Variants in AFAP1L2 observed in about 807,000 individuals in gnomAD.
AFAP1L2 encodes actin filament-associated protein 1-like 2.
Under a neutral mutation model 99.3 loss-of-function variants are expected in AFAP1L2, and 46 were observed. The ratio of observed to expected loss-of-function variants is 0.46; its 90% CI spans 0.37 to 0.59. The LOEUF (loss-of-function observed/expected upper bound fraction) is 0.59, where lower values mean the gene tolerates loss of function less well. Ranked by LOEUF, AFAP1L2 falls within the 20% of genes least tolerant of loss-of-function variation. AFAP1L2 has a pLI of 0.00. For synonymous variants in AFAP1L2, 397 were observed against 419.1 expected (o/e 0.95, Z 0.64); for missense variants, 959 against 1,034.9 (o/e 0.93, Z 1.01).
chr10:114,314,181 T>C (rs2043746346), intron 6 of AFAP1L2, 131 bp from the exon 7 acceptor site: 6 of 829,668 alleles, frequency 7.2e-6, no homozygotes, highest in Middle Eastern at 7.1e-4. Flanking sequence ...ACTAAGAGGC[T>C]GGACACCCCG....
In AFAP1L2 at chr10:114,302,499, A is replaced by T. The variant is rs1480672484; in HGVS notation, c.1285-15T>A. ...GAAGACTTGGCCTGGAACGAGGCCA[A>T]GAGAGACATAAGCAGGGCCAGGCAG... On this transcript the variant is annotated splice_polypyrimidine_tract_variant and intron_variant, in intron 11 of 18. Coordinates refer to ENST00000304129, the MANE Select transcript of AFAP1L2 (RefSeq NM_001001936.3). The T allele has an allele frequency of 1.9e-6, 3 of 1,613,730 alleles. No homozygotes were observed. The East Asian group carries it at 6.7e-5, about 36-fold the overall frequency.
chr10:114,287,575 G>A, the AFAP1L2 span, among the ~76,000 whole-genome samples: 1 of 152,124 alleles, frequency 6.6e-6, no homozygotes, highest in African/African-American at 2.4e-5. Flanking sequence ...CTCTCCCCAA[G>A]GCGAGAGGCT....
At chr10:114,318,748 G>GAAAAAAGAA (rs2044573535) in intron 5 of AFAP1L2, among the ~76,000 whole-genome samples, 2 of 118,890 alleles carry the variant, frequency 1.7e-5, no homozygotes, top group Non-Finnish European at 1.7e-5. Flanking sequence ...CTAAAAAAAA[G>GAAAAAAGAA]AAAAAAAAAA....
Position 114,304,611 on chromosome 10 carries a change from G to A in AFAP1L2, c.1284+108C>T. ...GGCAAACGAAGTAAAAATAACACGC[G>A]GGGACATTGATTCTCCCTTAGTAGC... is the stretch of plus-strand genomic sequence containing the variant. On this transcript the variant is annotated intron_variant, in intron 11 of 18. Coordinates refer to ENST00000304129, the MANE Select transcript of AFAP1L2 (RefSeq NM_001001936.3). 23 of 1,089,940 alleles carry A rather than the reference G, an allele frequency of 2.1e-5. No homozygotes were observed. In the South Asian group the frequency reaches 3.6e-4, roughly 17 times the overall value. 67.5% of individuals were successfully genotyped at this position (1,089,940 alleles called of 1,614,324 possible). A position where few individuals can be genotyped will look rare whatever the true frequency, so the allele number is the denominator to read the frequency against.
At chr10:114,343,952 C>A (rs533351087) in intron 1 of AFAP1L2, among the ~76,000 whole-genome samples, 1 of 152,244 alleles carries the variant, frequency 6.6e-6, no homozygotes, top group South Asian at 2.1e-4. Flanking sequence ...GAGACAACAC[C>A]AAGGCAGAGA....
At chr10:114,291,071 A>T, downstream of AFAP1L2, 1 of 940,504 alleles carries the variant, frequency 1.1e-6, no homozygotes, top group Non-Finnish European at 1.7e-6. Flanking sequence ...GAGGATAATC[A>T]CATGGGGTCT....
At chr10:114,390,472 CA>C (rs1330037773) in intron 1 of AFAP1L2, among the ~76,000 whole-genome samples, 1 of 152,116 alleles carries the variant, frequency 6.6e-6, no homozygotes, top group Non-Finnish European at 1.5e-5. Context: ...CCTGTAATCC[CA>C]GCACTTTGGG....
intron 4 of AFAP1L2, among the ~76,000 whole-genome samples, chr10:114,324,305 G>A (rs563957855): frequency 6.6e-6 from 1 of 151,924 alleles, no homozygotes; most frequent in South Asian, 2.1e-4. Flanking sequence ...GTGCAATGGT[G>A]CAATCTCGGC....
At chr10:114,404,400 G>C in intron 1 of AFAP1L2, 40 bp downstream of exon 1, 1 of 1,531,878 alleles carries the variant, frequency 6.5e-7, no homozygotes, top group East Asian at 2.4e-5. Flanking sequence ...CTGGGCGAAA[G>C]GGAGTGGGTG....
At chr10:114,313,140 G>A (rs1363736521) in intron 7 of AFAP1L2, among the ~76,000 whole-genome samples, 3 of 151,952 alleles carry the variant, frequency 2.0e-5, no homozygotes, top group Non-Finnish European at 4.4e-5. Flanking sequence ...GGAGGGGAGG[G>A]GCAGCAGGAA....
At chr10:114,373,160 T>C (rs2054345898) in intron 1 of AFAP1L2, among the ~76,000 whole-genome samples, 1 of 152,086 alleles carries the variant, frequency 6.6e-6, no homozygotes, top group Admixed American at 6.6e-5. Flanking sequence ...GGAAGATCGC[T>C]TGAGCCCAGG....
At chr10:114,395,167 C>T (rs1422821029) in intron 1 of AFAP1L2, among the ~76,000 whole-genome samples, 2 of 152,184 alleles carry the variant, frequency 1.3e-5, no homozygotes, top group African/African-American at 2.4e-5. Context: ...GCAGAAGCCA[C>T]AGAGGGCTTC....
chr10:114,320,133 T>C (rs1002837082), intron 5 of AFAP1L2, among the ~76,000 whole-genome samples: 2 of 152,174 alleles, frequency 1.3e-5, no homozygotes, highest in African/African-American at 4.8e-5. Flanking sequence ...CTGGGTTATT[T>C]GTTACAGCTG....
Position 114,295,478 on chromosome 10 carries a change from G to T in AFAP1L2, c.*564C>A, listed in dbSNP as rs1166017642. On this transcript the variant is annotated 3_prime_UTR_variant, in exon 19 of 19. Transcript: ENST00000304129. ...ATTGTTTCTCAAAACTCATGTCATAGATGGTTTTACAGATGATGGTTTTAC... is the reference window on the plus strand; with the variant it reads ...ATTGTTTCTCAAAACTCATGTCATATATGGTTTTACAGATGATGGTTTTAC... The T allele has an allele frequency of 4.1e-6, 4 of 965,174 alleles. No individual in the cohort carries two copies. The African/African-American group carries it at 8.7e-5, about 21-fold the overall frequency. 59.8% of individuals were successfully genotyped at this position (965,174 alleles called of 1,614,324 possible). A position where few individuals can be genotyped will look rare whatever the true frequency, so the allele number is the denominator to read the frequency against.
Position 114,305,280 on chromosome 10 carries a change from T to G in AFAP1L2, c.1073-350A>C, listed in dbSNP as rs187584268. ...ACGTGGATGTGGGAGGGCACGCGGA[T>G]GCAGGAGGGGATGCGGACGCAGGAG... is the stretch of plus-strand genomic sequence containing the variant. On this transcript the variant is annotated intron_variant, in intron 10 of 18. Coordinates refer to ENST00000304129, the MANE Select transcript of AFAP1L2 (RefSeq NM_001001936.3). 1.4e-3 allele frequency: 412 copies of G among 305,050 alleles called. 1 individual carries two copies. The highest frequency in any genetic ancestry group is 9.6e-3 in the African/African-American group (364 of 37,736). The allele number at this position is 305,050 out of a possible 1,614,324, so 18.9% of individuals were successfully genotyped here. A position where few individuals can be genotyped will look rare whatever the true frequency, so the allele number is the denominator to read the frequency against.
downstream of AFAP1L2, among the ~76,000 whole-genome samples, chr10:114,292,813 C>T (rs755340169): frequency 2.6e-5 from 4 of 152,014 alleles, no homozygotes; most frequent in Non-Finnish European, 5.9e-5. Flanking sequence ...TGAAGTGATT[C>T]TCATGCCTCA....
At chr10:114,357,532 A>G (rs567787484) in intron 1 of AFAP1L2, among the ~76,000 whole-genome samples, 30 of 152,304 alleles carry the variant, frequency 2.0e-4, no homozygotes, top group African/African-American at 7.2e-4. Flanking sequence ...TGCATAGCCA[A>G]TATTCCATGT....
chr10:114,349,383 CAAAAAAAA>C (rs113553514), intron 1 of AFAP1L2, among the ~76,000 whole-genome samples: 3 of 86,252 alleles, frequency 3.5e-5, no homozygotes, highest in East Asian at 3.9e-4. Context: ...AACTCGGTCT[CAAAAAAAA>C]AAAAAAAAAA....
intron 3 of AFAP1L2, among the ~76,000 whole-genome samples, chr10:114,332,469 G>A (rs931776937): frequency 5.3e-5 from 8 of 152,232 alleles, no homozygotes; most frequent in Non-Finnish European, 1.2e-4. Context: ...GCTCAGGCAG[G>A]CCCGATATCG....
Sources: allele counts gnomAD v4.1 joint callset (sites outside exome capture counted in the v4.1 genomes callset), GRCh38; gene constraint gnomAD v4.1.1; transcripts MANE v1.5; gene names NCBI Gene and HGNC (gene_info 2026-07-23, HGNC 2026-07-21).